The following FHIT variants were observed in gnomAD, a reference collection of about 807,000 sequenced individuals.
The protein encoded by FHIT is bis(5'-adenosyl)-triphosphatase.
FHIT carries 19 observed loss-of-function variants against 17.9 expected under a neutral mutation model. The observed-to-expected ratio is 1.06, with a 90% CI of 0.74 to 1.56. The LOEUF is 1.56. FHIT is among the 40% of genes most tolerant of loss of function. The pLI is 0.00. For missense variants in FHIT, 248 were observed against 189.2 expected, an observed-to-expected ratio of 1.31 and a Z score of -1.82; for synonymous variants, 81 against 69.7, an observed-to-expected ratio of 1.16 and a Z score of -0.81.
intron 8 of FHIT, among the ~76,000 whole-genome samples, chr3:59,870,762 CCAAA>C (rs1325613871): frequency 6.6e-6 from 1 of 152,130 alleles, no homozygotes; most frequent in Non-Finnish European, 1.5e-5. Flanking sequence ...ATTTGATAAA[CCAAA>C]CATTTTCCCT....
intron 8 of FHIT, among the ~76,000 whole-genome samples, chr3:59,915,511 A>G (rs1354881241): frequency 6.6e-6 from 1 of 152,198 alleles, no homozygotes; most frequent in Non-Finnish European, 1.5e-5. Flanking sequence ...CATCCTCCTC[A>G]TCAAGCACTC....
At chr3:59,860,264 G>C (rs1451812596) in intron 8 of FHIT, among the ~76,000 whole-genome samples, 1 of 152,104 alleles carries the variant, frequency 6.6e-6, no homozygotes, top group African/African-American at 2.4e-5. Context: ...TTGATGATCA[G>C]GAATGCAAAT....
chr3:60,442,042 T>C (rs1469614700), intron 5 of FHIT, among the ~76,000 whole-genome samples: 1 of 151,122 alleles, frequency 6.6e-6, no homozygotes, highest in Non-Finnish European at 1.5e-5. Flanking sequence ...TAACTTATTG[T>C]AGAAATGGGA....
intron 4 of FHIT, among the ~76,000 whole-genome samples, chr3:60,576,691 A>C (rs1355905094): frequency 6.6e-6 from 1 of 152,162 alleles, no homozygotes; most frequent in African/African-American, 2.4e-5. Flanking sequence ...TTTCCAAGCT[A>C]AAAGGAGATG....
intron 7 of FHIT, among the ~76,000 whole-genome samples, chr3:59,977,095 C>G (rs1284319413): frequency 6.6e-6 from 1 of 152,092 alleles, no homozygotes; most frequent in African/African-American, 2.4e-5. Flanking sequence ...CCTTCCTTAG[C>G]TGATCAGAGA....
At chr3:60,357,980 T>C (rs1699747886) in intron 5 of FHIT, among the ~76,000 whole-genome samples, 2 of 152,160 alleles carry the variant, frequency 1.3e-5, no homozygotes, top group South Asian at 4.1e-4. Flanking sequence ...CCTGGGAACA[T>C]GTTAGAAGTT....
chr3:61,023,567 C>T (rs2032573632), intron 3 of FHIT, among the ~76,000 whole-genome samples: 1 of 152,160 alleles, frequency 6.6e-6, no homozygotes, highest in Non-Finnish European at 1.5e-5. Flanking sequence ...CATCACACTA[C>T]CTGAGGCATC....
intron 3 of FHIT, among the ~76,000 whole-genome samples, chr3:60,986,795 C>T (rs1296588785): frequency 1.3e-5 from 2 of 152,164 alleles, no homozygotes. Context: ...TATTCCCCCA[C>T]TGATATGTGC....
intron 3 of FHIT, among the ~76,000 whole-genome samples, chr3:60,953,853 C>T (rs1708997895): frequency 6.6e-6 from 1 of 152,200 alleles, no homozygotes; most frequent in African/African-American, 2.4e-5. Flanking sequence ...GCTGGTCTTT[C>T]AATGTCACGG....
intron 5 of FHIT, among the ~76,000 whole-genome samples, chr3:60,344,731 A>AT (rs892956862): frequency 2.0e-5 from 3 of 151,818 alleles, no homozygotes; most frequent in South Asian, 2.1e-4. Flanking sequence ...ATCTTTCAAG[A>AT]TTTTTTTTTC....
intron 4 of FHIT, among the ~76,000 whole-genome samples, chr3:60,811,486 GT>G (rs1392943770): frequency 6.6e-6 from 1 of 152,114 alleles, no homozygotes; most frequent in Non-Finnish European, 1.5e-5. Context: ...CTAAATGTAT[GT>G]TTGCAACTCT....
At chr3:60,073,892 C>A (rs78998186) in intron 5 of FHIT, among the ~76,000 whole-genome samples, 28 of 152,206 alleles carry the variant, frequency 1.8e-4, no homozygotes, top group Non-Finnish European at 3.5e-4. Flanking sequence ...ACGAAATAAC[C>A]CTGTATTTCC....
At chr3:60,842,645 A>ATTTTTTTTTTTTT (rs1170383044) in intron 3 of FHIT, among the ~76,000 whole-genome samples, 23 of 94,584 alleles carry the variant, frequency 2.4e-4, no homozygotes, top group Non-Finnish European at 4.1e-4. Context: ...ATATATATAT[A>ATTTTTTTTTTTTT]TTTTTTTTTT....
At chr3:59,795,471 A>C (rs1699741722) in intron 8 of FHIT, among the ~76,000 whole-genome samples, 1 of 151,724 alleles carries the variant, frequency 6.6e-6, no homozygotes, top group African/African-American at 2.4e-5. Flanking sequence ...ATTAAAGCAA[A>C]CCAAAAGAGA....
At chr3:60,487,688 G>T (rs142782289) in intron 5 of FHIT, among the ~76,000 whole-genome samples, 1 of 152,280 alleles carries the variant, frequency 6.6e-6, no homozygotes, top group African/African-American at 2.4e-5. Context: ...AGGGAAATAA[G>T]CCTATCAGAA....
chr3:60,955,633 T>TATATATATATATATATACACAC (rs1272864632), intron 3 of FHIT, among the ~76,000 whole-genome samples: 6 of 39,532 alleles, frequency 1.5e-4, no homozygotes, highest in South Asian at 8.6e-4. Flanking sequence ...TATATATATA[T>TATATATATATATATATACACAC]ACACACACAC....
intron 5 of FHIT, among the ~76,000 whole-genome samples, chr3:60,365,563 ATTCAGTTCTCATAACTC>A (rs1700074948): frequency 6.6e-6 from 1 of 152,184 alleles, no homozygotes; most frequent in African/African-American, 2.4e-5. Flanking sequence ...TTCCTTCATA[ATTCAGTTCTCATAACTC>A]ATTAGTTATT....
At chr3:60,703,298 T>C (rs2041291924) in intron 4 of FHIT, among the ~76,000 whole-genome samples, 1 of 152,216 alleles carries the variant, frequency 6.6e-6, no homozygotes, top group South Asian at 2.1e-4. Context: ...TCCCTGCTGG[T>C]ACCTTGATTT....
At chr3:60,998,807 A>ATC (rs2030855580) in intron 3 of FHIT, among the ~76,000 whole-genome samples, 1 of 152,054 alleles carries the variant, frequency 6.6e-6, no homozygotes, top group African/African-American at 2.4e-5. Flanking sequence ...CAAATATATA[A>ATC]CACCTTCATA....
Sources: gnomAD v4.1 joint callset for allele counts (sites outside exome capture counted in the v4.1 genomes callset) on GRCh38, gnomAD v4.1.1 for gene constraint, MANE v1.5 for transcripts, NCBI Gene and HGNC (gene_info 2026-07-23, HGNC 2026-07-21) for gene names.